ELP6: variants seen among roughly 807,000 people sequenced by gnomAD.
ELP6 encodes elongator complex protein 6.
A neutral mutation model predicts 28.1 loss-of-function variants in ELP6; 23 were observed. That is an observed-to-expected ratio of 0.82 (90% CI 0.59 to 1.16). ELP6 has a LOEUF of 1.16. ELP6 is among the 50% of genes most tolerant of loss of function. ELP6 has a pLI of 0.00. For missense variants in ELP6, 313 were observed against 334.6 expected (o/e 0.94, Z 0.50); for synonymous variants, 132 against 135.8 (o/e 0.97, Z 0.19).
At chr3:47,511,328 G>A in intron 1 of ELP6, 102 bp from the exon 2 acceptor site, 2 of 1,467,108 alleles carry the variant, frequency 1.4e-6, no homozygotes, top group Non-Finnish European at 9.2e-7. Context: ...TTCTCCACCT[G>A]AAGAGTTTAT....
At chr3:47,498,507 T>C in intron 5 of ELP6, 75 bp from the exon 6 acceptor site, 1 of 1,572,260 alleles carries the variant, frequency 6.4e-7, no homozygotes. Context: ...CAGCCTCTCG[T>C]TGCCTCCACT....
At chr3:47,503,104 A>G (rs1708716237) in intron 4 of ELP6, 1 of 1,068,802 alleles carries the variant, frequency 9.4e-7, no homozygotes, top group Non-Finnish European at 1.1e-6. Context: ...CTTCACTAAC[A>G]ATGAAGACAT....
At chr3:47,513,342 T>C (rs1270454723) in intron 1 of ELP6, 195 bp downstream of exon 1, 2 of 1,401,312 alleles carry the variant, frequency 1.4e-6, no homozygotes, top group African/African-American at 1.5e-5. Flanking sequence ...ATATGCGAGA[T>C]GGCCCAGAAG....
chr3:47,500,948 G>A (rs1708631064), intron 5 of ELP6, among the ~76,000 whole-genome samples: 1 of 152,198 alleles, frequency 6.6e-6, no homozygotes, highest in African/African-American at 2.4e-5. Flanking sequence ...AGTGGCTACT[G>A]TGGGCCAGAC....
chr3:47,497,956 G>T (rs1249272234), intron 6 of ELP6: 18 of 985,000 alleles, frequency 1.8e-5, no homozygotes, highest in Non-Finnish European at 2.2e-5. Flanking sequence ...GTGTTGACCT[G>T]AATAGACGAC....
intron 3 of ELP6, among the ~76,000 whole-genome samples, chr3:47,506,200 C>G (rs1198617733): frequency 1.3e-5 from 2 of 152,092 alleles, no homozygotes; most frequent in African/African-American, 4.8e-5. Context: ...ACAGAGATCA[C>G]GTATTTCACA....
Position 47,512,870 on chromosome 3 carries a change from G to A in ELP6, c.54+667C>T, listed in dbSNP as rs560873387. ...GAAACGAACTCCCCTCTCCTCTCGG[G>A]CCTATTCTGCAGTCTCCTCTGAGCG... is the stretch of plus-strand genomic sequence containing the variant. On this transcript the variant is annotated intron_variant, in intron 1 of 6. Transcript: ENST00000296149. The A allele has an allele frequency of 3.0e-5, 30 of 984,378 alleles. No individual in the cohort carries two copies. In the African/African-American group the frequency reaches 4.7e-4, roughly 15 times the overall value. The allele number at this position is 984,378 out of a possible 1,614,324, so 61.0% of individuals were successfully genotyped here.
chr3:47,500,058 C>A, intron 5 of ELP6: 1 of 1,273,614 alleles, frequency 7.9e-7, no homozygotes. Flanking sequence ...AGCAGAAAAC[C>A]CTCATCCCAG....
At chr3:47,509,281 A>G (rs766953844) in intron 3 of ELP6, among the ~76,000 whole-genome samples, 12 of 152,254 alleles carry the variant, frequency 7.9e-5, no homozygotes, top group Admixed American at 1.3e-4. Context: ...CATTTTAAAG[A>G]TCACTGCTGA....
chr3:47,501,429 C>A (rs1708645738), intron 5 of ELP6: 10 of 565,642 alleles, frequency 1.8e-5, no homozygotes, highest in Middle Eastern at 9.7e-4. Context: ...ATAACCAGCC[C>A]CACTGAATGC....
chr3:47,513,394 T>C (rs1009355389), intron 1 of ELP6, 143 bp downstream of exon 1: 6 of 1,439,468 alleles, frequency 4.2e-6, no homozygotes, highest in Non-Finnish European at 4.5e-6. Context: ...AATCCCCGGG[T>C]CGATCCTCTG....
chr3:47,507,887 G>T (rs144921190), intron 3 of ELP6, among the ~76,000 whole-genome samples: 1 of 151,816 alleles, frequency 6.6e-6, no homozygotes, highest in East Asian at 1.9e-4. Flanking sequence ...AGTACTTCAC[G>T]TGCCAAGTAC....
At chr3:47,503,403 C>A in intron 4 of ELP6, 1 of 1,289,694 alleles carries the variant, frequency 7.8e-7, no homozygotes, top group Non-Finnish European at 1.0e-6. Context: ...AGTCTCAGGC[C>A]TGTGATGTTG....
In ELP6 at chr3:47,495,691, T is replaced by G. The variant is rs138937604; in HGVS notation, c.*378A>C. ...AGCCATGATTATCCTAGTTGTCACCTTGCACACCTGCCATCCGGTGCCATC... is the reference window on the plus strand; with the variant it reads ...AGCCATGATTATCCTAGTTGTCACCGTGCACACCTGCCATCCGGTGCCATC... On this transcript the variant is annotated 3_prime_UTR_variant, in exon 7 of 7. Transcript: ENST00000296149. 4.3e-6 allele frequency: 1 copy of G among 230,852 alleles called. No individual in the cohort carries two copies. The highest frequency in any genetic ancestry group is 2.4e-5 in the African/African-American group (1 of 42,330). The allele number at this position is 230,852 out of a possible 1,614,324, so 14.3% of individuals were successfully genotyped here. A position where few individuals can be genotyped will look rare whatever the true frequency, so the allele number is the denominator to read the frequency against.
intron 4 of ELP6, among the ~76,000 whole-genome samples, 160 bp from the exon 5 acceptor site, chr3:47,502,011 C>A (rs1210340337): frequency 6.6e-6 from 1 of 152,142 alleles, no homozygotes; most frequent in Non-Finnish European, 1.5e-5. Flanking sequence ...AAGGCATGCA[C>A]ATGTACAGGA....
At chr3:47,497,963 C>A in intron 6 of ELP6, 1 of 985,134 alleles carries the variant, frequency 1.0e-6, no homozygotes, top group Non-Finnish European at 1.2e-6. Context: ...CCTGAATAGA[C>A]GACGCCTGCT....
chr3:47,500,429 G>GTTTTTTT, intron 5 of ELP6: 1 of 175,268 alleles, frequency 5.7e-6, no homozygotes, highest in East Asian at 1.9e-4. Flanking sequence ...GTGCATAATT[G>GTTTTTTT]TACAGACTGG....
chr3:47,496,242 C>A (rs1483580487), intron 6 of ELP6, 45 bp from the exon 7 acceptor site: 1 of 1,602,418 alleles, frequency 6.2e-7, no homozygotes, highest in South Asian at 1.1e-5. Flanking sequence ...CACCCCAGGA[C>A]CTGCTCCACT....
chr3:47,504,293 A>G (rs754669338), intron 4 of ELP6, 37 bp downstream of exon 4: 12 of 1,551,060 alleles, frequency 7.7e-6, no homozygotes, highest in Non-Finnish European at 1.0e-5. Flanking sequence ...CCCACCTGCC[A>G]CGTGTTGCTT....
Sources: gnomAD v4.1 joint callset for allele counts (sites outside exome capture counted in the v4.1 genomes callset) on GRCh38, gnomAD v4.1.1 for gene constraint, MANE v1.5 for transcripts, NCBI Gene and HGNC (gene_info 2026-07-23, HGNC 2026-07-21) for gene names.